The following TXNL4A variants were observed in gnomAD, a reference collection of about 807,000 sequenced individuals.
TXNL4A encodes thioredoxin like 4A.
Under a neutral mutation model 14.6 loss-of-function variants are expected in TXNL4A, and 17 were observed. That is an observed-to-expected ratio of 1.16 (90% CI 0.80 to 1.74). The LOEUF (loss-of-function observed/expected upper bound fraction) is 1.74, where lower values mean the gene tolerates loss of function less well. Among genes scored for constraint, TXNL4A ranks in the 40% most tolerant of loss-of-function variants. TXNL4A has a pLI of 0.00. For missense variants in TXNL4A, 74 were observed against 195.2 expected, an observed-to-expected ratio of 0.38 and a Z score of 3.70; for synonymous variants, 83 against 70.6, an observed-to-expected ratio of 1.18 and a Z score of -0.88.
chr18:80,016,451 G>A (rs1183719419), intron 1 of TXNL4A, among the ~76,000 whole-genome samples: 1 of 151,510 alleles, frequency 6.6e-6, no homozygotes, highest in Non-Finnish European at 1.5e-5. Flanking sequence ...CCTATGTCCT[G>A]AATGGTAATG....
At chr18:79,986,695 T>C (rs2051554185) in intron 1 of TXNL4A, 1 of 985,502 alleles carries the variant, frequency 1.0e-6, no homozygotes, top group East Asian at 1.1e-4. Context: ...CCAGCCATCC[T>C]AGCCTCGAGC....
chr18:79,999,671 A>T (rs2051686775), intron 1 of TXNL4A, among the ~76,000 whole-genome samples: 1 of 152,210 alleles, frequency 6.6e-6, no homozygotes, highest in Non-Finnish European at 1.5e-5. Context: ...AAAGAGCAGC[A>T]TTTGAGCCAG....
chr18:79,982,119 G>C lies in TXNL4A; in HGVS notation c.154-4418C>G, dbSNP rs1057030716. On this transcript the variant is annotated intron_variant, in intron 1 of 2. Transcript: ENST00000269601. The surrounding 1 kb of genome is among the most constrained non-coding windows in gnomAD (Gnocchi z 4.0). Reference sequence around the variant, plus strand: ...AGACGGGGCGGCAGTGTGGTCACGGGGTGGCAGGGAAATATCTGTCCTTAG... The same window carrying C: ...AGACGGGGCGGCAGTGTGGTCACGGCGTGGCAGGGAAATATCTGTCCTTAG... 1.3e-5 allele frequency among the ~76,000 whole-genome samples: 2 copies of C among 152,138 alleles called. No homozygotes were observed. Among genetic ancestry groups the C allele is most frequent in the Non-Finnish European group, 2.9e-5 (2 of 68,026 alleles).
chr18:80,014,668 A>C (rs1232067368), intron 1 of TXNL4A, among the ~76,000 whole-genome samples: 1 of 152,118 alleles, frequency 6.6e-6, no homozygotes, highest in Non-Finnish European at 1.5e-5. Flanking sequence ...TAGACGGTGC[A>C]AACTGTCAGT....
At chr18:80,009,057 G>A (rs187873391) in intron 1 of TXNL4A, among the ~76,000 whole-genome samples, 14 of 152,344 alleles carry the variant, frequency 9.2e-5, no homozygotes, top group African/African-American at 3.1e-4. Context: ...GATTACAGGC[G>A]TGAGCCACTG....
intron 2 of TXNL4A, among the ~76,000 whole-genome samples, chr18:79,976,187 T>G (rs967259953): frequency 4.6e-5 from 7 of 152,128 alleles, no homozygotes; most frequent in Non-Finnish European, 7.4e-5. Context: ...AGTTCAAGCT[T>G]GCTGTGATGG....
intron 1 of TXNL4A, among the ~76,000 whole-genome samples, chr18:79,996,874 C>T (rs564444757): frequency 6.6e-6 from 1 of 152,260 alleles, no homozygotes; most frequent in Admixed American, 6.5e-5. Flanking sequence ...ACCCAGGAGG[C>T]GGAGGTTGCA....
rs888757478 is a variant in TXNL4A at position 79,993,929 on chromosome 18, G to A, written c.-60-16228C>T. ...CTGACACACTTTACCAGGTAGCCGC[G>A]ACAAGCGTGGACTGAACTGGTTCAA... On this transcript the variant is annotated intron_variant, in intron 1 of 2. Transcript: ENST00000585474. The surrounding 1 kb of genome is among the most constrained non-coding windows in gnomAD (Gnocchi z 4.4). 2.0e-5 allele frequency among the ~76,000 whole-genome samples: 3 copies of A among 152,142 alleles called. No homozygotes were observed. The highest frequency in any genetic ancestry group is 2.1e-4 in the South Asian group (1 of 4,822).
Position 79,973,976 on chromosome 18 carries a change from A to G in TXNL4A, c.258-120T>C, listed in dbSNP as rs4799114. On this transcript the variant is annotated intron_variant, in intron 2 of 2. Coordinates refer to ENST00000269601, the MANE Select transcript of TXNL4A (RefSeq NM_006701.5). ...TCTTGTTAACATCACTGAAGAACGC[A>G]TAAAATCGAGAGTGTATGCCATGAT... 0.99 allele frequency: 1,353,577 copies of G among 1,366,066 alleles called. 671,391 individuals are homozygous for G. Among genetic ancestry groups the G allele is most frequent in the East Asian group, 1 (42,858 of 42,858 alleles). 84.6% of individuals were successfully genotyped at this position (1,366,066 alleles called of 1,614,324 possible). A position where few individuals can be genotyped will look rare whatever the true frequency, so the allele number is the denominator to read the frequency against.
chr18:80,032,476 C>T (rs966571519), intron 1 of TXNL4A, among the ~76,000 whole-genome samples: 3 of 152,192 alleles, frequency 2.0e-5, no homozygotes, highest in Admixed American at 2.0e-4. Flanking sequence ...AATAAGATGG[C>T]TACAAGATGA....
Position 79,972,107 on chromosome 18 carries a change from C to T in TXNL4A, c.*1578G>A, listed in dbSNP as rs966629258. ...GTGCTTCATTCTGTAAGTACCCTCC[C>T]GTTTCCACAACAGCAATCAATCTCC... On this transcript the variant is annotated 3_prime_UTR_variant, in exon 3 of 3. Transcript: ENST00000269601. The T allele has an allele frequency of 2.0e-5, 3 of 152,244 alleles. No homozygotes were observed. Among genetic ancestry groups the T allele is most frequent in the Admixed American group, 6.5e-5 (1 of 15,282 alleles). 9.4% of individuals were successfully genotyped at this position (152,244 alleles called of 1,614,324 possible). A position where few individuals can be genotyped will look rare whatever the true frequency, so the allele number is the denominator to read the frequency against.
At chr18:79,995,156 A>G (rs1235873143) in intron 1 of TXNL4A, 1 of 152,226 alleles carries the variant, frequency 6.6e-6, no homozygotes, top group Non-Finnish European at 1.5e-5. Context: ...GGTTTGCTCA[A>G]GAGTTTGAGC....
intron 1 of TXNL4A, among the ~76,000 whole-genome samples, chr18:80,018,440 GC>G (rs1172425980): frequency 6.6e-6 from 1 of 152,062 alleles, no homozygotes; most frequent in Non-Finnish European, 1.5e-5. Flanking sequence ...AAAAGCAAGA[GC>G]AAACACATTC....
At chr18:80,032,624 G>A (rs2145135142) in intron 1 of TXNL4A, among the ~76,000 whole-genome samples, 2 of 152,302 alleles carry the variant, frequency 1.3e-5, no homozygotes, top group South Asian at 4.1e-4. Flanking sequence ...CGGATCACTT[G>A]AGGTCAGGAG....
intron 1 of TXNL4A, among the ~76,000 whole-genome samples, chr18:80,026,980 G>C (rs894833054): frequency 6.6e-6 from 1 of 152,200 alleles, no homozygotes; most frequent in African/African-American, 2.4e-5. Flanking sequence ...GAAATATTAG[G>C]GGAGAAGAGA....
At chr18:79,992,876 TAAAAAAAAAA>T (rs59567705), upstream of TXNL4A, among the ~76,000 whole-genome samples, 7 of 78,600 alleles carry the variant, frequency 8.9e-5, no homozygotes, top group South Asian at 6.3e-4. Flanking sequence ...TCATCTTATG[TAAAAAAAAAA>T]AAAAAAAAAA....
At chr18:80,015,355 A>AATTATTATT (rs60860228) in intron 1 of TXNL4A, among the ~76,000 whole-genome samples, 4,276 of 148,454 alleles carry the variant, frequency 0.029, 98 homozygotes, top group African/African-American at 0.049. Flanking sequence ...TTTTTTAAAA[A>AATTATTATT]ATTATTATTA....
At chr18:79,986,690 CATCCT>C in intron 1 of TXNL4A, 1 of 985,498 alleles carries the variant, frequency 1.0e-6, no homozygotes, top group Non-Finnish European at 1.2e-6. Flanking sequence ...CATCTCCAGC[CATCCT>C]AGCCTCGAGC....
chr18:80,024,658 T>C (rs143823292), intron 1 of TXNL4A, among the ~76,000 whole-genome samples: 1 of 152,240 alleles, frequency 6.6e-6, no homozygotes, highest in East Asian at 1.9e-4. Flanking sequence ...GGAGAAACGC[T>C]CCCTAAGACG....
Sources: gnomAD v4.1 joint callset for allele counts (sites outside exome capture counted in the v4.1 genomes callset) on GRCh38, gnomAD v4.1.1 for gene constraint, Gnocchi (gnomAD v3.1) non-coding constraint, MANE v1.5 for transcripts, NCBI Gene and HGNC (gene_info 2026-07-23, HGNC 2026-07-21) for gene names.